ZNF280D: variants seen among roughly 807,000 people sequenced by gnomAD.
ZNF280D encodes suppressor of hairy wing homolog 4.
A neutral mutation model predicts 94.7 loss-of-function variants in ZNF280D; 39 were observed. That is an observed-to-expected ratio of 0.41 (90% CI 0.32 to 0.54). The LOEUF is 0.54. Ranked by LOEUF, ZNF280D falls within the 20% of genes least tolerant of loss-of-function variation. The pLI, the probability that ZNF280D is intolerant of heterozygous loss-of-function variation, is 0.22. For missense variants in ZNF280D, 1,090 were observed against 1,149.3 expected, an observed-to-expected ratio of 0.95 and a Z score of 0.75; for synonymous variants, 398 against 377.6, an observed-to-expected ratio of 1.05 and a Z score of -0.63.
At chr15:56,694,967 A>G (rs1257010828) in intron 6 of ZNF280D, among the ~76,000 whole-genome samples, 1 of 152,156 alleles carries the variant, frequency 6.6e-6, no homozygotes, top group African/African-American at 2.4e-5. Context: ...AGCAATGATA[A>G]CATTCATTAT....
chr15:56,674,290 T>TA (rs2055067990), intron 13 of ZNF280D, among the ~76,000 whole-genome samples: 1 of 152,212 alleles, frequency 6.6e-6, no homozygotes, highest in Non-Finnish European at 1.5e-5. Flanking sequence ...ACTCAAGTCT[T>TA]ACACATCTCT....
At position 56,678,807 on chromosome 15, in the gene ZNF280D, A is replaced by G. The variant is rs1303258522; in HGVS notation, c.1019T>C (p.Met340Thr). The change falls in exon 11 of 22, where the codon ATG (methionine) becomes ACG (threonine). Residue 340 changes from methionine to threonine, a missense_variant. Transcript: ENST00000267807. ...LKNNIRFMNHMKHHLELEKQS... is the reference protein window; with the variant it reads ...LKNNIRFMNHTKHHLELEKQS... ...CTTCTCAAGTTCCAAATGGTGTTTC[A>G]TGTGGTTCATAAACCTATAAATGGT... The G allele has an allele frequency of 6.2e-7, 1 of 1,607,548 alleles. No individual in the cohort carries two copies.
chr15:56,666,557 T>A (rs372487831), intron 15 of ZNF280D, 22 bp from the exon 16 acceptor site: 1 of 1,560,208 alleles, frequency 6.4e-7, no homozygotes, highest in Non-Finnish European at 8.6e-7. Flanking sequence ...ATTAAAAAAA[T>A]GATAAAAATA....
At chr15:56,691,146 T>C (rs540432182) in intron 7 of ZNF280D, among the ~76,000 whole-genome samples, 90 of 152,302 alleles carry the variant, frequency 5.9e-4, no homozygotes, top group African/African-American at 2.1e-3. Flanking sequence ...CAAAATATTT[T>C]ATATTTAACT....
At chr15:56,649,995 A>C (rs2053115602) in intron 19 of ZNF280D, among the ~76,000 whole-genome samples, 1 of 151,484 alleles carries the variant, frequency 6.6e-6, no homozygotes, top group South Asian at 2.1e-4. Context: ...AGCATTTCAC[A>C]AAAAAAATCC....
intron 1 of ZNF280D, among the ~76,000 whole-genome samples, chr15:56,708,074 C>T (rs1293955759): frequency 2.0e-5 from 3 of 151,870 alleles, no homozygotes; most frequent in East Asian, 1.9e-4. Flanking sequence ...AAGCAAAAAA[C>T]GTCAACAATT....
intron 1 of ZNF280D, among the ~76,000 whole-genome samples, chr15:56,729,112 T>C (rs2058760084): frequency 6.6e-6 from 1 of 152,018 alleles, no homozygotes; most frequent in African/African-American, 2.4e-5. Context: ...AAACATGAAA[T>C]GAAAATCTGA....
chr15:56,636,555 C>G (rs2052362441), intron 20 of ZNF280D, among the ~76,000 whole-genome samples: 1 of 148,712 alleles, frequency 6.7e-6, no homozygotes. Flanking sequence ...ATGATCTCAG[C>G]TCACTACAAC....
chr15:56,641,516 T>C (rs2052627778), intron 20 of ZNF280D, among the ~76,000 whole-genome samples: 1 of 151,986 alleles, frequency 6.6e-6, no homozygotes. Context: ...TGTAACTATA[T>C]GTGATTTTAA....
At position 56,653,192 on chromosome 15, in the gene ZNF280D, T is replaced by G. The variant is rs551227637; in HGVS notation, c.2213+1006A>C. On this transcript the variant is annotated intron_variant, in intron 19 of 21. Transcript: ENST00000267807. ...GGTTTCCTAACAACTAGAGTTTTTA[T>G]ATTCCTTGGACTGCATTCATGCTAG... 4.3e-5 allele frequency: 45 copies of G among 1,052,836 alleles called. No individual in the cohort carries two copies. The African/African-American group carries it at 7.2e-4, about 17-fold the overall frequency. The allele number at this position is 1,052,836 out of a possible 1,614,324, so 65.2% of individuals were successfully genotyped here. A position where few individuals can be genotyped will look rare whatever the true frequency, so the allele number is the denominator to read the frequency against.
chr15:56,707,398 G>T, intron 1 of ZNF280D, 92 bp from the exon 2 acceptor site: 1 of 1,112,566 alleles, frequency 9.0e-7, no homozygotes, highest in Non-Finnish European at 1.2e-6. Flanking sequence ...GGTCAATTAT[G>T]TTTGATATAT....
chr15:56,687,836 G>A (rs2056133728), intron 9 of ZNF280D, among the ~76,000 whole-genome samples: 1 of 152,076 alleles, frequency 6.6e-6, no homozygotes. Context: ...ACCAAATATG[G>A]CTCTGTACGT....
chr15:56,680,819 A>G (rs1596476401), intron 10 of ZNF280D, among the ~76,000 whole-genome samples: 1 of 152,292 alleles, frequency 6.6e-6, no homozygotes, highest in Non-Finnish European at 1.5e-5. Context: ...CTTAAAGGAA[A>G]GGCCAAAAAA....
At position 56,701,186 on chromosome 15, in the gene ZNF280D, A is replaced by T; in HGVS notation, c.228T>A (p.Gly76=). The part of the protein sequence containing the change: ...PSSYSRGLKN[G]ALSRGITAAF... ...ATAATACTGTACCTCGACTGAGTGC[A>T]CCATTCTTTAGTCCCCTTGAATATG... Residue 76 remains glycine, a synonymous_variant, in exon 5 of 22, where the codon GGT becomes GGA. Coordinates refer to ENST00000267807, the MANE Select transcript of ZNF280D (RefSeq NM_017661.4). The T allele has an allele frequency of 6.3e-7, 1 of 1,592,886 alleles. No homozygotes were observed. Among genetic ancestry groups the T allele is most frequent in the Non-Finnish European group, 8.6e-7 (1 of 1,169,110 alleles).
chr15:56,654,493 G>T lies in ZNF280D; in HGVS notation c.2068C>A (p.Leu690Ile), dbSNP rs775439389. 6 of 1,580,940 alleles carry T rather than the reference G, an allele frequency of 3.8e-6. No homozygotes were observed. In the East Asian group the frequency reaches 9.0e-5, roughly 24 times the overall value. The change falls in exon 18 of 22, where the codon CTA (leucine) becomes ATA (isoleucine). Residue 690 changes from leucine to isoleucine, a missense_variant. Leu to Ile is a conservative substitution (Grantham distance 5). Transcript: ENST00000267807. ...KHSENLRGIT[L>I]VCLNCDFLSD... The stretch of plus-strand genomic sequence containing the variant: ...AGGAAATCACAATTAAGGCACACTA[G>T]AGTAATGCCCCTAAAAAAAAAAGCA...
chr15:56,654,272 T>C, intron 18 of ZNF280D, 38 bp from the exon 19 acceptor site: 3 of 1,603,900 alleles, frequency 1.9e-6, no homozygotes, highest in Non-Finnish European at 2.5e-6. Context: ...TACAACAGCA[T>C]ATGAAATATG....
At chr15:56,697,013 G>T (rs1463129072) in intron 6 of ZNF280D, among the ~76,000 whole-genome samples, 1 of 152,126 alleles carries the variant, frequency 6.6e-6, no homozygotes, top group Non-Finnish European at 1.5e-5. Flanking sequence ...ACGTTGGAAA[G>T]ATTTTTACCT....
At chr15:56,726,227 A>G (rs2058625474) in intron 1 of ZNF280D, among the ~76,000 whole-genome samples, 1 of 151,370 alleles carries the variant, frequency 6.6e-6, no homozygotes, top group South Asian at 2.1e-4. Context: ...AAAAAAACCT[A>G]TTATGGAAGT....
At chr15:56,686,129 A>G (rs1422120556) in intron 9 of ZNF280D, among the ~76,000 whole-genome samples, 1 of 152,280 alleles carries the variant, frequency 6.6e-6, no homozygotes, top group Non-Finnish European at 1.5e-5. Context: ...TAAAGGATAC[A>G]TTCACAATAC....
Sources: allele counts gnomAD v4.1 joint callset (sites outside exome capture counted in the v4.1 genomes callset), GRCh38; gene constraint gnomAD v4.1.1; transcripts MANE v1.5; gene names NCBI Gene and HGNC (gene_info 2026-07-23, HGNC 2026-07-21).